Variants in ERBB4 observed in about 807,000 individuals in gnomAD.
ERBB4 encodes receptor tyrosine-protein kinase erbB-4.
A neutral mutation model predicts 158.0 loss-of-function variants in ERBB4; 42 were observed. The observed-to-expected ratio is 0.27, with a 90% CI of 0.21 to 0.34. The LOEUF is 0.34. Ranked by LOEUF, ERBB4 falls within the 10% of genes least tolerant of loss-of-function variation. The probability of loss-of-function intolerance (pLI) is 1.00; values close to 1 mark genes in which losing one functional copy is unlikely to be tolerated. For missense variants in ERBB4, 1,333 were observed against 1,624.1 expected (o/e 0.82, Z 3.08); for synonymous variants, 583 against 558.7 (o/e 1.04, Z -0.61).
intron 5 of ERBB4, among the ~76,000 whole-genome samples, chr2:211,729,766 T>C (rs1286763903): frequency 6.6e-6 from 1 of 151,932 alleles, no homozygotes; most frequent in Non-Finnish European, 1.5e-5. Context: ...TAACTTATAA[T>C]TGCTTTGGTT....
intron 1 of ERBB4, among the ~76,000 whole-genome samples, chr2:212,318,015 C>CT (rs1206338654): frequency 1.3e-5 from 2 of 151,584 alleles, no homozygotes; most frequent in African/African-American, 4.8e-5. Context: ...TAAAGGCAAA[C>CT]TTTCATTGAA....
intron 19 of ERBB4, among the ~76,000 whole-genome samples, chr2:211,600,476 A>G (rs1184322225): frequency 2.0e-5 from 3 of 152,162 alleles, no homozygotes; most frequent in Admixed American, 1.3e-4. Context: ...TTCCATCAGG[A>G]AAAAATAGGA....
intron 1 of ERBB4, among the ~76,000 whole-genome samples, chr2:212,136,013 T>G (rs1158703428): frequency 6.6e-6 from 1 of 152,152 alleles, no homozygotes; most frequent in Non-Finnish European, 1.5e-5. Flanking sequence ...GCAAACATCT[T>G]TCTTCTCTAG....
intron 13 of ERBB4, among the ~76,000 whole-genome samples, chr2:211,677,809 G>A (rs1422774719): frequency 1.3e-5 from 2 of 152,166 alleles, no homozygotes; most frequent in Non-Finnish European, 2.9e-5. Context: ...GGGTGGTGGA[G>A]CTTGCAGTGA....
intron 2 of ERBB4, among the ~76,000 whole-genome samples, chr2:212,096,728 G>A (rs1386422444): frequency 6.6e-6 from 1 of 152,128 alleles, no homozygotes; most frequent in Non-Finnish European, 1.5e-5. Flanking sequence ...CTTAGACCCT[G>A]GGAAACTAGG....
chr2:212,236,379 T>G (rs2083875237), intron 1 of ERBB4, among the ~76,000 whole-genome samples: 1 of 152,210 alleles, frequency 6.6e-6, no homozygotes, highest in South Asian at 2.1e-4. Context: ...AGCATTTTAT[T>G]GAGGATTTTC....
At chr2:211,918,945 A>G (rs2079779411) in intron 3 of ERBB4, among the ~76,000 whole-genome samples, 1 of 152,108 alleles carries the variant, frequency 6.6e-6, no homozygotes, top group Admixed American at 6.6e-5. Flanking sequence ...CACATAATCT[A>G]GCCTATTCTA....
intron 1 of ERBB4, among the ~76,000 whole-genome samples, chr2:212,149,871 G>A (rs1253193768): frequency 2.0e-5 from 3 of 152,106 alleles, no homozygotes; most frequent in Non-Finnish European, 2.9e-5. Flanking sequence ...ACAATACAAA[G>A]TGTCATGGGA....
chr2:212,400,823 T>C (rs1045566643), intron 1 of ERBB4, among the ~76,000 whole-genome samples: 7 of 152,186 alleles, frequency 4.6e-5, no homozygotes, highest in South Asian at 4.1e-4. Flanking sequence ...TAAAAAGATA[T>C]AACTCTTGAA....
chr2:211,693,694 C>T (rs1019446005), intron 12 of ERBB4, among the ~76,000 whole-genome samples: 1 of 152,158 alleles, frequency 6.6e-6, no homozygotes, highest in African/African-American at 2.4e-5. Context: ...GTTTCCCACC[C>T]CACTGTCTGT....
intron 2 of ERBB4, among the ~76,000 whole-genome samples, chr2:212,025,704 A>G (rs1279418489): frequency 6.6e-6 from 1 of 151,730 alleles, no homozygotes; most frequent in African/African-American, 2.4e-5. Context: ...CTGAGAAAAA[A>G]TACTCAAACT....
At chr2:212,303,662 ATAGT>A (rs1441745315) in intron 1 of ERBB4, among the ~76,000 whole-genome samples, 5 of 151,604 alleles carry the variant, frequency 3.3e-5, no homozygotes, top group Non-Finnish European at 7.4e-5. Flanking sequence ...TCCCAAAAGT[ATAGT>A]TAGTTTTGAT....
chr2:211,855,870 T>G (rs1052293747), intron 3 of ERBB4, among the ~76,000 whole-genome samples: 3 of 152,104 alleles, frequency 2.0e-5, no homozygotes, highest in Non-Finnish European at 4.4e-5. Context: ...AAGGAAGAAG[T>G]GAAACTATTA....
intron 3 of ERBB4, among the ~76,000 whole-genome samples, chr2:211,822,354 T>C (rs975621160): frequency 3.3e-5 from 5 of 152,038 alleles, no homozygotes; most frequent in Non-Finnish European, 5.9e-5. Context: ...TAGTCTGATC[T>C]GATCACTATA....
intron 1 of ERBB4, among the ~76,000 whole-genome samples, chr2:212,538,213 G>C (rs1326424780): frequency 1.3e-5 from 2 of 150,330 alleles, no homozygotes; most frequent in African/African-American, 2.5e-5. Flanking sequence ...AGAAAAGCAG[G>C]GGGTTAAGGA....
chr2:211,809,940 G>A (rs1012938286), intron 3 of ERBB4, among the ~76,000 whole-genome samples: 6 of 151,992 alleles, frequency 3.9e-5, no homozygotes, highest in African/African-American at 1.5e-4. Flanking sequence ...CCTTCATTTC[G>A]TTATTTACCC....
intron 12 of ERBB4, among the ~76,000 whole-genome samples, chr2:211,700,964 A>T (rs1334957968): frequency 6.6e-6 from 1 of 152,196 alleles, no homozygotes; most frequent in Non-Finnish European, 1.5e-5. Flanking sequence ...TGGCACTCAT[A>T]GGATGTAGGA....
At position 212,392,071 on chromosome 2, in the gene ERBB4, G is replaced by A. The variant is rs568272874; in HGVS notation, c.82+146378C>T. On this transcript the variant is annotated intron_variant, in intron 1 of 27. Coordinates refer to ENST00000342788, the MANE Select transcript of ERBB4 (RefSeq NM_005235.3). ...ACATTTTATTGGTTACTATAGACAC[G>A]TAACCATCAAAATGAATATAAAAAG... Among the ~76,000 whole-genome samples the A allele has an allele frequency of 4.8e-4, 73 of 151,394 alleles. 1 individual carries two copies. The South Asian group carries it at 0.014, about 29-fold the overall frequency.
intron 1 of ERBB4, among the ~76,000 whole-genome samples, chr2:212,309,523 A>G (rs1238701197): frequency 6.6e-6 from 1 of 150,874 alleles, no homozygotes; most frequent in Non-Finnish European, 1.5e-5. Flanking sequence ...ATGTTTATAA[A>G]AAGTATCTAG....
Sources: allele counts gnomAD v4.1 joint callset (sites outside exome capture counted in the v4.1 genomes callset), GRCh38; gene constraint gnomAD v4.1.1; transcripts MANE v1.5; gene names NCBI Gene and HGNC (gene_info 2026-07-23, HGNC 2026-07-21).